The following ERC2 variants were observed in gnomAD, a reference collection of about 807,000 sequenced individuals.
ERC2 encodes ERC protein 2.
In ERC2, 42 loss-of-function variants were observed where a neutral mutation model predicts 114.8. That is an observed-to-expected ratio of 0.37 (90% CI 0.29 to 0.47). ERC2 has a LOEUF of 0.47. ERC2 is among the 20% of genes least tolerant of loss of function. The pLI, the probability that ERC2 is intolerant of heterozygous loss-of-function variation, is 0.99. For missense variants in ERC2, 939 were observed against 1,150.7 expected, an observed-to-expected ratio of 0.82 and a Z score of 2.66; for synonymous variants, 454 against 425.5, an observed-to-expected ratio of 1.07 and a Z score of -0.82.
At chr3:55,818,046 C>T (rs774969115) in intron 14 of ERC2, among the ~76,000 whole-genome samples, 3 of 152,144 alleles carry the variant, frequency 2.0e-5, no homozygotes, top group Non-Finnish European at 4.4e-5. Flanking sequence ...CACCTCACTT[C>T]TGGGGGATCA....
intron 12 of ERC2, among the ~76,000 whole-genome samples, chr3:55,964,956 C>A (rs942690661): frequency 6.6e-6 from 1 of 152,152 alleles, no homozygotes; most frequent in Admixed American, 6.5e-5. Context: ...TCATAACATG[C>A]CTGTTTGATT....
chr3:55,539,415 CTTTTTTTTT>C (rs58749389), intron 17 of ERC2, among the ~76,000 whole-genome samples: 24 of 39,088 alleles, frequency 6.1e-4, no homozygotes, highest in South Asian at 1.6e-3. Flanking sequence ...TTTTTTCTTT[CTTTTTTTTT>C]TTTTTTTTTT....
intron 6 of ERC2, among the ~76,000 whole-genome samples, chr3:56,109,067 T>G (rs2078820721): frequency 6.6e-6 from 1 of 152,172 alleles, no homozygotes; most frequent in African/African-American, 2.4e-5. Context: ...GTTTGTTATA[T>G]AAGTAAACTT....
intron 15 of ERC2, among the ~76,000 whole-genome samples, chr3:55,721,252 G>T (rs180758704): frequency 6.6e-6 from 1 of 152,180 alleles, no homozygotes; most frequent in South Asian, 2.1e-4. Flanking sequence ...GCATAATGAT[G>T]GTACTGCCTC....
chr3:56,314,429 A>G (rs1479026128), intron 2 of ERC2, among the ~76,000 whole-genome samples: 1 of 140,840 alleles, frequency 7.1e-6, no homozygotes, highest in Non-Finnish European at 1.5e-5. Context: ...AGCTCCTACT[A>G]TTATTAATAT....
chr3:55,929,708 T>C (rs961304892), intron 13 of ERC2, among the ~76,000 whole-genome samples: 4 of 152,216 alleles, frequency 2.6e-5, no homozygotes, highest in African/African-American at 9.6e-5. Context: ...GACTGGATCA[T>C]GGGAACGGAC....
chr3:55,625,406 T>C (rs1270298150), intron 17 of ERC2, among the ~76,000 whole-genome samples: 5 of 124,804 alleles, frequency 4.0e-5, no homozygotes, highest in African/African-American at 9.0e-5. Flanking sequence ...GAGAAAGAAA[T>C]AGCTAAGTTA....
chr3:56,354,492 CCT>C (rs2058670511), intron 2 of ERC2, among the ~76,000 whole-genome samples: 1 of 152,146 alleles, frequency 6.6e-6, no homozygotes, highest in Admixed American at 6.5e-5. Flanking sequence ...TGCCGCTAGA[CCT>C]CTTACAATGC....
At chr3:55,649,453 G>A (rs1350329731) in intron 17 of ERC2, among the ~76,000 whole-genome samples, 1 of 151,880 alleles carries the variant, frequency 6.6e-6, no homozygotes, top group Admixed American at 6.6e-5. Context: ...CTAGAGATGG[G>A]GTTTCACCAT....
At chr3:56,109,214 G>A (rs73091207) in intron 6 of ERC2, among the ~76,000 whole-genome samples, 20,380 of 151,878 alleles carry the variant, frequency 0.13, 1,468 homozygotes, top group East Asian at 0.15. Context: ...AGCATCTGCG[G>A]TTCCCCTCTT....
intron 1 of ERC2, among the ~76,000 whole-genome samples, chr3:56,439,992 A>G (rs2062213953): frequency 6.6e-6 from 1 of 152,244 alleles, no homozygotes; most frequent in South Asian, 2.1e-4. Context: ...TTCAAATTGT[A>G]TAGCATTGGG....
chr3:56,090,254 C>T (rs529751849), intron 6 of ERC2, among the ~76,000 whole-genome samples: 20 of 152,192 alleles, frequency 1.3e-4, no homozygotes, highest in Non-Finnish European at 2.6e-4. Context: ...ATCTCTTACC[C>T]TATGCTTGGT....
chr3:55,916,956 GT>G (rs915009813), intron 13 of ERC2, among the ~76,000 whole-genome samples: 2 of 151,946 alleles, frequency 1.3e-5, no homozygotes, highest in Admixed American at 6.6e-5. Context: ...AGTACTAGGG[GT>G]TTTTTTGCAC....
At chr3:55,799,172 A>C (rs2070770421) in intron 14 of ERC2, among the ~76,000 whole-genome samples, 1 of 151,872 alleles carries the variant, frequency 6.6e-6, no homozygotes, top group Admixed American at 6.6e-5. Flanking sequence ...CCATGGCTCA[A>C]TGTATAAAGT....
chr3:55,597,419 C>CAAA (rs34105072), intron 17 of ERC2, among the ~76,000 whole-genome samples: 9 of 128,464 alleles, frequency 7.0e-5, no homozygotes, highest in African/African-American at 1.5e-4. Context: ...GACTCCAACT[C>CAAA]AAAAAAAAAA....
intron 13 of ERC2, among the ~76,000 whole-genome samples, chr3:55,927,943 CT>C (rs2065845779): frequency 6.6e-6 from 1 of 152,198 alleles, no homozygotes; most frequent in Non-Finnish European, 1.5e-5. Flanking sequence ...GGATCTCATT[CT>C]GTGTTATGGC....
intron 14 of ERC2, among the ~76,000 whole-genome samples, chr3:55,802,091 A>G (rs745436781): frequency 1.5e-4 from 23 of 152,274 alleles, no homozygotes; most frequent in Non-Finnish European, 2.8e-4. Flanking sequence ...CAATGTATTT[A>G]GAGCTTAAGC....
At chr3:55,890,842 A>G (rs1287551389) in intron 13 of ERC2, among the ~76,000 whole-genome samples, 1 of 152,220 alleles carries the variant, frequency 6.6e-6, no homozygotes, top group African/African-American at 2.4e-5. Flanking sequence ...CCCTGGACCG[A>G]GGACCATGTG....
chr3:55,836,252 A>C (rs1220591880), intron 14 of ERC2, among the ~76,000 whole-genome samples: 1 of 152,212 alleles, frequency 6.6e-6, no homozygotes, highest in Admixed American at 6.5e-5. Flanking sequence ...GGAAAAAACT[A>C]CTTTAAAGTT....
Sources: allele counts gnomAD v4.1 joint callset (sites outside exome capture counted in the v4.1 genomes callset), GRCh38; gene constraint gnomAD v4.1.1; transcripts MANE v1.5; gene names NCBI Gene and HGNC (gene_info 2026-07-23, HGNC 2026-07-21).